The following GPC5 variants were observed in gnomAD, a reference collection of about 807,000 sequenced individuals.
GPC5 encodes the protein glypican-5.
In GPC5, 47 loss-of-function variants were observed where a neutral mutation model predicts 53.9. The observed-to-expected ratio is 0.87, with a 90% CI of 0.69 to 1.11. The LOEUF (loss-of-function observed/expected upper bound fraction) is 1.11. Among genes scored for constraint, GPC5 ranks in the 50% most tolerant of loss-of-function variants. The pLI, the probability that GPC5 is intolerant of heterozygous loss-of-function variation, is 0.00. For synonymous variants in GPC5, 286 were observed against 263.3 expected (o/e 1.09, Z -0.84); for missense variants, 748 against 713.1 (o/e 1.05, Z -0.56).
intron 5 of GPC5, among the ~76,000 whole-genome samples, chr13:91,793,727 G>T (rs974603664): frequency 2.0e-5 from 3 of 152,128 alleles, no homozygotes; most frequent in Non-Finnish European, 2.9e-5. Flanking sequence ...AATCATGGGG[G>T]AAGGCAAAGG....
At chr13:92,462,546 G>C (rs1441096458) in intron 7 of GPC5, among the ~76,000 whole-genome samples, 1 of 152,018 alleles carries the variant, frequency 6.6e-6, no homozygotes, top group Non-Finnish European at 1.5e-5. Context: ...ATTTGAGGAG[G>C]TTATTGAAAA....
intron 1 of GPC5, among the ~76,000 whole-genome samples, chr13:91,412,768 T>G (rs565486490): frequency 2.0e-5 from 3 of 152,226 alleles, no homozygotes; most frequent in African/African-American, 4.8e-5. Context: ...TGATAAAGAC[T>G]GTCTCTGCCT....
intron 5 of GPC5, among the ~76,000 whole-genome samples, chr13:91,897,302 T>C (rs2138979606): frequency 6.6e-6 from 1 of 152,004 alleles, no homozygotes; most frequent in East Asian, 1.9e-4. Context: ...ACAGCTTTTT[T>C]GCTATTCAAA....
chr13:92,622,908 G>A (rs1284620235), intron 7 of GPC5, among the ~76,000 whole-genome samples: 20 of 152,168 alleles, frequency 1.3e-4, no homozygotes, highest in Non-Finnish European at 2.9e-4. Context: ...GCACCTCAGC[G>A]AGAATGTGGC....
At chr13:92,406,426 T>C (rs1205600799) in intron 7 of GPC5, among the ~76,000 whole-genome samples, 3 of 152,228 alleles carry the variant, frequency 2.0e-5, no homozygotes, top group African/African-American at 7.2e-5. Context: ...TGAGAAATTT[T>C]CTTCCACTAC....
chr13:92,212,205 C>T (rs974635249), intron 7 of GPC5, among the ~76,000 whole-genome samples: 6 of 151,858 alleles, frequency 4.0e-5, no homozygotes, highest in Admixed American at 1.3e-4. Context: ...GGGGAGGGAA[C>T]ATTTATGAAG....
chr13:92,674,964 T>G (rs560141713), intron 7 of GPC5, among the ~76,000 whole-genome samples: 1 of 152,268 alleles, frequency 6.6e-6, no homozygotes, highest in South Asian at 2.1e-4. Context: ...ACAATTAGCT[T>G]ATTTAAAAAC....
chr13:92,168,566 C>G (rs1480502681), intron 7 of GPC5, among the ~76,000 whole-genome samples: 3 of 152,042 alleles, frequency 2.0e-5, no homozygotes, highest in Non-Finnish European at 2.9e-5. Context: ...ATGTAATCAA[C>G]AAACATATGA....
chr13:92,056,138 T>C (rs116390729), intron 6 of GPC5, among the ~76,000 whole-genome samples: 6,097 of 152,240 alleles, frequency 0.04, 158 homozygotes, highest in Middle Eastern at 0.054. Context: ...AAATGGATCT[T>C]ATGGGGCTAA....
At chr13:91,924,015 G>A (rs980686942) in intron 6 of GPC5, among the ~76,000 whole-genome samples, 2 of 152,074 alleles carry the variant, frequency 1.3e-5, no homozygotes, top group East Asian at 3.9e-4. Flanking sequence ...ATTTTTAAAA[G>A]AATCACATTA....
intron 2 of GPC5, among the ~76,000 whole-genome samples, chr13:91,624,415 T>C (rs1269331963): frequency 6.6e-6 from 1 of 152,104 alleles, no homozygotes; most frequent in Non-Finnish European, 1.5e-5. Context: ...TTGAAAGAAC[T>C]ATTAAACCTC....
intron 7 of GPC5, among the ~76,000 whole-genome samples, chr13:92,357,585 G>C (rs1383363395): frequency 6.6e-6 from 1 of 151,592 alleles, no homozygotes; most frequent in African/African-American, 2.4e-5. Flanking sequence ...AGAACTACCA[G>C]AGACTCGGTA....
chr13:92,152,611 C>A (rs1000091451), intron 7 of GPC5, among the ~76,000 whole-genome samples: 11 of 151,812 alleles, frequency 7.2e-5, no homozygotes, highest in East Asian at 5.8e-4. Context: ...TCGTGGCGGG[C>A]GCCTGTAGCC....
intron 6 of GPC5, among the ~76,000 whole-genome samples, chr13:92,015,448 C>G (rs2040698343): frequency 6.6e-6 from 1 of 152,132 alleles, no homozygotes; most frequent in Admixed American, 6.5e-5. Flanking sequence ...ATCTTCCACC[C>G]AGGTCCCTCT....
chr13:92,006,189 T>A (rs2040605323), intron 6 of GPC5, among the ~76,000 whole-genome samples: 1 of 152,204 alleles, frequency 6.6e-6, no homozygotes, highest in Non-Finnish European at 1.5e-5. Context: ...GTAAGTATTA[T>A]CTGTCTTTTC....
chr13:92,841,461 C>T (rs1878427030), intron 7 of GPC5, among the ~76,000 whole-genome samples: 1 of 152,040 alleles, frequency 6.6e-6, no homozygotes, highest in African/African-American at 2.4e-5. Context: ...GTAGTTGCAA[C>T]AATGATCAAG....
chr13:91,729,930 C>T (rs1388165170), intron 4 of GPC5, among the ~76,000 whole-genome samples: 1 of 152,144 alleles, frequency 6.6e-6, no homozygotes, highest in Non-Finnish European at 1.5e-5. Context: ...CAAACTGGCT[C>T]AGGAACAATA....
At chr13:92,448,549 C>T (rs1877927053) in intron 7 of GPC5, 1 of 151,892 alleles carries the variant, frequency 6.6e-6, no homozygotes, top group South Asian at 2.1e-4. Flanking sequence ...TTTAGAAATG[C>T]TCAGCAGTGT....
chr13:91,911,801 C>G (rs2039612959), intron 6 of GPC5, among the ~76,000 whole-genome samples: 1 of 152,062 alleles, frequency 6.6e-6, no homozygotes, highest in African/African-American at 2.4e-5. Context: ...GATTGGAACT[C>G]TGGGAGATAG....
Sources: gnomAD v4.1 joint callset for allele counts (sites outside exome capture counted in the v4.1 genomes callset) on GRCh38, gnomAD v4.1.1 for gene constraint, MANE v1.5 for transcripts, NCBI Gene and HGNC (gene_info 2026-07-23, HGNC 2026-07-21) for gene names.